The following MEIS2 variants were observed in gnomAD, a reference collection of about 807,000 sequenced individuals.
MEIS2 encodes homeobox protein Meis2.
A neutral mutation model predicts 58.6 loss-of-function variants in MEIS2; 9 were observed. The ratio of observed to expected loss-of-function variants is 0.15; its 90% CI spans 0.09 to 0.27. The LOEUF (loss-of-function observed/expected upper bound fraction) is 0.27, where lower values mean the gene tolerates loss of function less well. Ranked by LOEUF, MEIS2 falls within the 10% of genes least tolerant of loss-of-function variation. The pLI is 1.00. For missense variants in MEIS2, 427 were observed against 635.0 expected, an observed-to-expected ratio of 0.67 and a Z score of 3.52; for synonymous variants, 221 against 228.4, an observed-to-expected ratio of 0.97 and a Z score of 0.29.
intron 9 of MEIS2, chr15:36,898,495 T>G (rs1225271505): frequency 2.0e-5 from 3 of 152,220 alleles, no homozygotes; most frequent in Admixed American, 2.0e-4. Flanking sequence ...GTGTTTTGCG[T>G]TTTTTATTTT....
intron 7 of MEIS2, 137 bp from the exon 8 acceptor site, chr15:37,037,096 T>C (rs2062188651): frequency 1.2e-6 from 1 of 845,264 alleles, no homozygotes; most frequent in Non-Finnish European, 1.7e-6. Flanking sequence ...AAAGTATAAT[T>C]GGAGACACAA....
chr15:36,988,506 A>T (rs1032246581), intron 8 of MEIS2, among the ~76,000 whole-genome samples: 24 of 152,212 alleles, frequency 1.6e-4, no homozygotes, highest in African/African-American at 5.8e-4. Flanking sequence ...CTCTCTAGAC[A>T]ATTGCTATGA....
At chr15:36,991,783 CTTTTTT>C (rs11285545) in intron 8 of MEIS2, among the ~76,000 whole-genome samples, 226 of 51,032 alleles carry the variant, frequency 4.4e-3, no homozygotes, top group African/African-American at 0.016. Flanking sequence ...TTTTTTTTTT[CTTTTTT>C]TTTTTTTTTT....
At chr15:37,006,168 C>G (rs1468784632) in intron 8 of MEIS2, among the ~76,000 whole-genome samples, 1 of 152,096 alleles carries the variant, frequency 6.6e-6, no homozygotes, top group Non-Finnish European at 1.5e-5. Context: ...ACTGATTTTT[C>G]CATTTATTTA....
rs200095239 is a variant in MEIS2, at chr15:36,895,134, G to A, written c.1147+17C>T. On this transcript the variant is annotated intron_variant, in intron 11 of 11. Transcript: ENST00000561208. The stretch of plus-strand genomic sequence containing the variant: ...GCACTTCCCAGGGAAGCCCAGAGGC[G>A]GGATGAGCCAACCTACCTGCAGGCC... 2.7e-5 allele frequency: 43 copies of A among 1,606,714 alleles called. No homozygotes were observed. In the Middle Eastern group the frequency reaches 6.7e-4, roughly 25 times the overall value.
rs757727782 is a variant in MEIS2, at chr15:36,892,098, C to T, written c.*75G>A. 6.8e-6 allele frequency: 10 copies of T among 1,478,714 alleles called. No homozygotes were observed. Among genetic ancestry groups the T allele is most frequent in the African/African-American group, 1.4e-5 (1 of 71,598 alleles). 91.6% of individuals were successfully genotyped at this position (1,478,714 alleles called of 1,614,324 possible). A position where few individuals can be genotyped will look rare whatever the true frequency, so the allele number is the denominator to read the frequency against. On this transcript the variant is annotated 3_prime_UTR_variant, in exon 12 of 12. Coordinates refer to ENST00000561208, the MANE Select transcript of MEIS2 (RefSeq NM_170675.5). ...CTGTCTGGAATTTCATATTAAGTGT[C>T]AACATCTGGTCAAAGTTCAGAAAGT...
At chr15:36,931,197 A>C (rs1419281684) in intron 9 of MEIS2, among the ~76,000 whole-genome samples, 2 of 152,222 alleles carry the variant, frequency 1.3e-5, no homozygotes, top group Non-Finnish European at 2.9e-5. Context: ...TCATCAGCCA[A>C]GAGAGGAGAG....
At chr15:37,073,130 TA>T in intron 7 of MEIS2, among the ~76,000 whole-genome samples, 1 of 152,090 alleles carries the variant, frequency 6.6e-6, no homozygotes, top group Non-Finnish European at 1.5e-5. Flanking sequence ...GCTCCACTAT[TA>T]GTCAGTCACC....
chr15:36,988,179 A>G (rs927323170), intron 8 of MEIS2, among the ~76,000 whole-genome samples: 3 of 152,356 alleles, frequency 2.0e-5, no homozygotes, highest in African/African-American at 4.8e-5. Flanking sequence ...GATGATGGAT[A>G]TAACAATTTG....
intron 9 of MEIS2, among the ~76,000 whole-genome samples, chr15:36,911,146 C>G (rs2057001685): frequency 6.6e-6 from 1 of 151,136 alleles, no homozygotes; most frequent in East Asian, 1.9e-4. Context: ...CCTTTCCTTA[C>G]TTTTCTCATA....
intron 8 of MEIS2, among the ~76,000 whole-genome samples, chr15:37,009,012 A>G (rs1480738342): frequency 6.6e-6 from 1 of 152,180 alleles, no homozygotes; most frequent in Non-Finnish European, 1.5e-5. Flanking sequence ...AATAAGGGTC[A>G]GGCGTGGTGG....
At chr15:36,940,854 C>T (rs1194951459) in intron 9 of MEIS2, among the ~76,000 whole-genome samples, 3 of 152,120 alleles carry the variant, frequency 2.0e-5, no homozygotes, top group African/African-American at 7.2e-5. Context: ...TCATAGAATC[C>T]ATCTATGGAT....
At chr15:37,049,152 A>G (rs2062802528) in intron 7 of MEIS2, among the ~76,000 whole-genome samples, 1 of 152,214 alleles carries the variant, frequency 6.6e-6, no homozygotes, top group South Asian at 2.1e-4. Context: ...TATCTACAAC[A>G]TACACATAAT....
intron 8 of MEIS2, among the ~76,000 whole-genome samples, chr15:37,012,740 A>G (rs373604032): frequency 1.6e-3 from 246 of 152,352 alleles, no homozygotes; most frequent in African/African-American, 5.8e-3. Flanking sequence ...CAATTACATT[A>G]AATTCTTTAT....
rs12595758 is a variant in MEIS2, at chr15:37,004,826, C to T, written c.900+31988G>A. 6.6e-4 allele frequency among the ~76,000 whole-genome samples: 101 copies of T among 152,260 alleles called. No homozygotes were observed. The East Asian group carries it at 0.018, about 27-fold the overall frequency. ...CCATCAAGATTATAATCTAGTGTTA[C>T]AATCAAGATTATGAGGCATGTTCCC... On this transcript the variant is annotated intron_variant, in intron 8 of 11. Transcript: ENST00000561208.
chr15:36,970,973 C>T (rs1349225482), intron 8 of MEIS2, among the ~76,000 whole-genome samples: 1 of 151,660 alleles, frequency 6.6e-6, no homozygotes, highest in Non-Finnish European at 1.5e-5. Flanking sequence ...ATCTCATCAA[C>T]AGATTAATAG....
chr15:36,935,061 TG>T (rs570776842), intron 9 of MEIS2, among the ~76,000 whole-genome samples: 176 of 152,264 alleles, frequency 1.2e-3, no homozygotes, highest in Admixed American at 2.4e-3. Context: ...TCTTCATAAT[TG>T]GTTAGAGTCC....
intron 2 of MEIS2, chr15:37,096,633 T>G: frequency 2.0e-6 from 1 of 494,652 alleles, no homozygotes. Flanking sequence ...CTCCCGCAGC[T>G]CAGAGGTCCC....
intron 7 of MEIS2, among the ~76,000 whole-genome samples, chr15:37,038,014 A>G (rs2062236125): frequency 6.6e-6 from 1 of 152,210 alleles, no homozygotes; most frequent in Non-Finnish European, 1.5e-5. Flanking sequence ...GAGCCACACG[A>G]AAGAGGAAAA....
Sources: gnomAD v4.1 joint callset for allele counts (sites outside exome capture counted in the v4.1 genomes callset) on GRCh38, gnomAD v4.1.1 for gene constraint, MANE v1.5 for transcripts, NCBI Gene and HGNC (gene_info 2026-07-23, HGNC 2026-07-21) for gene names.